The following CSMD1 variants were observed in gnomAD, a reference collection of about 807,000 sequenced individuals.
CSMD1 encodes CUB and sushi domain-containing protein 1.
A neutral mutation model predicts 417.5 loss-of-function variants in CSMD1; 213 were observed. The ratio of observed to expected loss-of-function variants is 0.51; its 90% confidence interval spans 0.46 to 0.57. The LOEUF is 0.57. Among genes scored for constraint, CSMD1 ranks in the 20% least tolerant of loss-of-function variants. The probability of loss-of-function intolerance (pLI) is 0.00; values close to 1 mark genes in which losing one functional copy is unlikely to be tolerated. For synonymous variants in CSMD1, 2,862 were observed against 1,736.8 expected, an observed-to-expected ratio of 1.65 and a Z score of -16.11; for missense variants, 6,923 against 4,529.7, an observed-to-expected ratio of 1.53 and a Z score of -15.17.
intron 26 of CSMD1, among the ~76,000 whole-genome samples, chr8:3,252,494 G>A (rs901558253): frequency 7.2e-5 from 11 of 152,294 alleles, no homozygotes; most frequent in African/African-American, 2.6e-4. Context: ...TTGCTTTGAT[G>A]TTCATCAGGG....
intron 1 of CSMD1, among the ~76,000 whole-genome samples, chr8:4,697,723 G>C (rs1807232894): frequency 6.6e-6 from 1 of 152,106 alleles, no homozygotes. Flanking sequence ...ATGTGGATTA[G>C]TTAATAACTC....
chr8:3,355,870 C>G (rs1808746145), intron 21 of CSMD1, among the ~76,000 whole-genome samples: 1 of 152,128 alleles, frequency 6.6e-6, no homozygotes, highest in Non-Finnish European at 1.5e-5. Context: ...ACGTGTAATG[C>G]ACATGCCAAC....
intron 21 of CSMD1, among the ~76,000 whole-genome samples, chr8:3,350,494 T>C (rs1259495932): frequency 6.6e-6 from 1 of 152,010 alleles, no homozygotes; most frequent in African/African-American, 2.4e-5. Context: ...GAAGTACTCA[T>C]AAAGGGAATA....
intron 23 of CSMD1, among the ~76,000 whole-genome samples, chr8:3,340,736 AC>A (rs1807589479): frequency 6.6e-6 from 1 of 152,186 alleles, no homozygotes; most frequent in Non-Finnish European, 1.5e-5. Flanking sequence ...TGAGGTTAAT[AC>A]TATTTTGATT....
intron 3 of CSMD1, among the ~76,000 whole-genome samples, chr8:4,208,117 C>T (rs191205543): frequency 4.6e-5 from 7 of 152,178 alleles, no homozygotes; most frequent in Non-Finnish European, 7.4e-5. Context: ...CAATTTCATA[C>T]ACATGATGAT....
At chr8:4,754,318 G>C (rs1293853473) in intron 1 of CSMD1, among the ~76,000 whole-genome samples, 1 of 152,096 alleles carries the variant, frequency 6.6e-6, no homozygotes, top group Non-Finnish European at 1.5e-5. Flanking sequence ...AGTAGAATTT[G>C]ACCAACATTC....
At chr8:4,076,379 G>C (rs1393122638) in intron 3 of CSMD1, among the ~76,000 whole-genome samples, 3 of 152,150 alleles carry the variant, frequency 2.0e-5, no homozygotes, top group African/African-American at 7.2e-5. Context: ...CCCTGTCTGA[G>C]GTAGTTCTTT....
At chr8:3,978,353 T>G (rs1813603975) in intron 5 of CSMD1, among the ~76,000 whole-genome samples, 1 of 152,212 alleles carries the variant, frequency 6.6e-6, no homozygotes, top group Non-Finnish European at 1.5e-5. Flanking sequence ...GGTAAGCACA[T>G]ATAATTTTTA....
chr8:3,483,568 G>A (rs866047516), intron 11 of CSMD1, among the ~76,000 whole-genome samples: 1 of 151,900 alleles, frequency 6.6e-6, no homozygotes, highest in Non-Finnish European at 1.5e-5. Context: ...TTAACGTCAA[G>A]ATTTCATAAA....
chr8:3,975,246 T>C (rs1193645278), intron 5 of CSMD1, among the ~76,000 whole-genome samples: 1 of 152,220 alleles, frequency 6.6e-6, no homozygotes, highest in Non-Finnish European at 1.5e-5. Context: ...ACTTGCTTCG[T>C]TATTTATCAG....
chr8:3,976,358 T>C (rs2130132810), intron 5 of CSMD1, among the ~76,000 whole-genome samples: 1 of 152,366 alleles, frequency 6.6e-6, no homozygotes, highest in Non-Finnish European at 1.5e-5. Context: ...GTAACTATCA[T>C]GACGTTGATG....
chr8:4,880,472 G>A (rs961725813), intron 1 of CSMD1, among the ~76,000 whole-genome samples: 1 of 152,072 alleles, frequency 6.6e-6, no homozygotes, highest in Admixed American at 6.5e-5. Context: ...GGAATTTCCT[G>A]TGCTGTTGTG....
intron 2 of CSMD1, among the ~76,000 whole-genome samples, chr8:4,615,868 C>T (rs1801444981): frequency 1.3e-5 from 2 of 152,038 alleles, no homozygotes; most frequent in Non-Finnish European, 2.9e-5. Context: ...CAAAAGCATT[C>T]TTTTTTCACT....
chr8:4,606,900 T>G (rs1800904087), intron 2 of CSMD1, among the ~76,000 whole-genome samples: 2 of 152,236 alleles, frequency 1.3e-5, no homozygotes, highest in South Asian at 2.1e-4. Context: ...TTCTCCCCAT[T>G]ATATCAGTAT....
At chr8:3,191,065 G>A (rs780910523) in intron 33 of CSMD1, among the ~76,000 whole-genome samples, 1 of 152,168 alleles carries the variant, frequency 6.6e-6, no homozygotes, top group Non-Finnish European at 1.5e-5. Flanking sequence ...TGTGTTTATA[G>A]TTAAGAGGGT....
chr8:4,934,521 T>C (rs968829503), intron 1 of CSMD1, among the ~76,000 whole-genome samples: 2 of 152,134 alleles, frequency 1.3e-5, no homozygotes, highest in African/African-American at 2.4e-5. Context: ...TCCGGGGCTT[T>C]GAGCTGACTT....
chr8:4,025,134 G>C (rs772628185), intron 4 of CSMD1, among the ~76,000 whole-genome samples: 1 of 152,222 alleles, frequency 6.6e-6, no homozygotes, highest in African/African-American at 2.4e-5. Context: ...GAGATGTTGA[G>C]ACTGTAATTT....
At chr8:3,792,813 G>A (rs1254908898) in intron 5 of CSMD1, among the ~76,000 whole-genome samples, 1 of 152,296 alleles carries the variant, frequency 6.6e-6, no homozygotes, top group Non-Finnish European at 1.5e-5. Flanking sequence ...TAATGACAGA[G>A]AAACAACTAC....
chr8:4,225,530 G>A (rs1427619548), intron 3 of CSMD1, among the ~76,000 whole-genome samples: 2 of 124,678 alleles, frequency 1.6e-5, no homozygotes, highest in Non-Finnish European at 3.4e-5. Context: ...ATTCCTTTTT[G>A]CCTCTATTTT....
Sources: gnomAD v4.1 joint callset for allele counts (sites outside exome capture counted in the v4.1 genomes callset) on GRCh38, gnomAD v4.1.1 for gene constraint, MANE v1.5 for transcripts, NCBI Gene and HGNC (gene_info 2026-07-23, HGNC 2026-07-21) for gene names.